Variants in NOS1AP observed in about 807,000 individuals in gnomAD.
NOS1AP encodes the protein nitric oxide synthase 1 adaptor protein.
In NOS1AP, 21 loss-of-function variants were observed where a neutral mutation model predicts 56.2. That is an observed-to-expected ratio of 0.37 (90% confidence interval 0.26 to 0.54). The LOEUF (loss-of-function observed/expected upper bound fraction) is 0.54. Among genes scored for constraint, NOS1AP ranks in the 20% least tolerant of loss-of-function variants. The probability of loss-of-function intolerance (pLI) is 0.84; values close to 1 mark genes in which losing one functional copy is unlikely to be tolerated. For missense variants in NOS1AP, 522 were observed against 657.8 expected (o/e 0.79, Z 2.26); for synonymous variants, 270 against 274.6 (o/e 0.98, Z 0.17).
At chr1:162,135,707 C>T (rs1032973540) in intron 1 of NOS1AP, among the ~76,000 whole-genome samples, 10 of 152,090 alleles carry the variant, frequency 6.6e-5, no homozygotes, top group South Asian at 2.1e-4. Context: ...AACTCGGGGA[C>T]GGTGAATTTC....
chr1:162,292,506 T>C (rs1210203440), intron 3 of NOS1AP, among the ~76,000 whole-genome samples: 2 of 152,202 alleles, frequency 1.3e-5, no homozygotes, highest in Non-Finnish European at 2.9e-5. Context: ...ATTCTTATGA[T>C]TGTTCAAAAG....
intron 2 of NOS1AP, among the ~76,000 whole-genome samples, chr1:162,176,050 T>C (rs73026972): frequency 0.066 from 10,028 of 152,266 alleles, 788 homozygotes; most frequent in African/African-American, 0.19. Flanking sequence ...ATAACTTCTG[T>C]TAGCACCTTA....
In NOS1AP at chr1:162,355,323, G is replaced by A. The variant is rs1657667432; in HGVS notation, c.732G>A (p.Gly244=). 5 of 1,614,066 alleles carry A rather than the reference G, an allele frequency of 3.1e-6. No homozygotes were observed. The South Asian group carries it at 5.5e-5, about 18-fold the overall frequency. ...SRGVTDLDAV[G]KEGGSHTGSK... is the part of the protein sequence containing the mutation. ...GTGTGACTGATCTAGATGCTGTAGG[G>A]AAGGAAGGAGGCTCTCACACAGGCT... is the stretch of plus-strand genomic sequence containing the variant. The change falls in exon 7 of 10, where the codon GGG becomes GGA. Residue 244 remains glycine (G), a synonymous_variant. Transcript: ENST00000361897.
At chr1:162,136,247 A>T (rs930534304) in intron 1 of NOS1AP, among the ~76,000 whole-genome samples, 2 of 152,208 alleles carry the variant, frequency 1.3e-5, no homozygotes, top group Non-Finnish European at 2.9e-5. Context: ...CTGGGGCAGG[A>T]AAACAGCTAC....
chr1:162,316,790 C>T (rs1656244750), intron 4 of NOS1AP: 1 of 152,768 alleles, frequency 6.5e-6, no homozygotes, highest in African/African-American at 2.4e-5. Context: ...GGGGAGATTA[C>T]AAAGTACATT....
rs150539620 is a variant in NOS1AP, at chr1:162,098,614, C to T, written c.105+28332C>T. On this transcript the variant is annotated intron_variant, in intron 1 of 9. Transcript: ENST00000361897. ...TTTGCTGTACAGATCATCCCATCACCTAGGTATTAAGCCTAGCATCCACGA... is the reference window on the plus strand; with the variant it reads ...TTTGCTGTACAGATCATCCCATCACTTAGGTATTAAGCCTAGCATCCACGA... 2.2e-4 allele frequency among the ~76,000 whole-genome samples: 33 copies of T among 152,052 alleles called. 1 individual carries two copies. The highest frequency in any genetic ancestry group is 6.5e-4 in the African/African-American group (27 of 41,454).
intron 2 of NOS1AP, among the ~76,000 whole-genome samples, chr1:162,244,345 C>T (rs1242504425): frequency 1.3e-5 from 2 of 152,158 alleles, no homozygotes; most frequent in Non-Finnish European, 2.9e-5. Context: ...TTAAACCAAC[C>T]TTTGTTACCA....
chr1:162,357,272 G>C (rs1033047083), intron 8 of NOS1AP, 136 bp downstream of exon 8: 29 of 1,471,142 alleles, frequency 2.0e-5, no homozygotes, highest in Non-Finnish European at 2.7e-5. Flanking sequence ...ATCATTGCTT[G>C]TTGGGGAGTG....
intron 1 of NOS1AP, among the ~76,000 whole-genome samples, chr1:162,125,979 C>T (rs1402990639): frequency 1.3e-5 from 2 of 151,942 alleles, no homozygotes; most frequent in Non-Finnish European, 1.5e-5. Context: ...TCCTTGTAGA[C>T]ATCTTTCACC....
intron 1 of NOS1AP, among the ~76,000 whole-genome samples, chr1:162,094,172 T>G (rs914383208): frequency 6.6e-6 from 1 of 152,164 alleles, no homozygotes; most frequent in South Asian, 2.1e-4. Flanking sequence ...GTAGTTACCC[T>G]CTTGGGAGGA....
At chr1:162,359,712 C>T (rs1381943382) in intron 8 of NOS1AP, among the ~76,000 whole-genome samples, 1 of 142,020 alleles carries the variant, frequency 7.0e-6, no homozygotes, top group Non-Finnish European at 1.5e-5. Context: ...AGCTTGGTTT[C>T]TCTACGCGGG....
intron 6 of NOS1AP, among the ~76,000 whole-genome samples, chr1:162,346,914 T>A (rs534407097): frequency 1.1e-4 from 16 of 152,336 alleles, no homozygotes; most frequent in Admixed American, 3.3e-4. Context: ...CCTTGGCCAG[T>A]CTCAGTTTTA....
At chr1:162,218,254 G>A (rs373444375) in intron 2 of NOS1AP, among the ~76,000 whole-genome samples, 3 of 152,208 alleles carry the variant, frequency 2.0e-5, no homozygotes, top group Admixed American at 1.3e-4. Flanking sequence ...CTGGGAGCCT[G>A]ATGACTTGAG....
chr1:162,075,048 T>A (rs1409063104), intron 1 of NOS1AP, among the ~76,000 whole-genome samples: 1 of 152,196 alleles, frequency 6.6e-6, no homozygotes, highest in Non-Finnish European at 1.5e-5. Context: ...TGGGGGAATG[T>A]CAAGTTCACA....
chr1:162,173,908 A>T (rs1475566746), intron 2 of NOS1AP, among the ~76,000 whole-genome samples: 2 of 152,210 alleles, frequency 1.3e-5, no homozygotes, highest in African/African-American at 4.8e-5. Context: ...GTCAGGAAAC[A>T]ACAGGTGCTA....
intron 2 of NOS1AP, among the ~76,000 whole-genome samples, chr1:162,252,397 G>A (rs934841390): frequency 4.6e-5 from 7 of 152,154 alleles, no homozygotes; most frequent in African/African-American, 1.7e-4. Flanking sequence ...GAAGGAAAGG[G>A]GAGGTCTGGA....
At chr1:162,321,622 G>T (rs1037875863) in intron 4 of NOS1AP, among the ~76,000 whole-genome samples, 1 of 151,492 alleles carries the variant, frequency 6.6e-6, no homozygotes, top group African/African-American at 2.4e-5. Flanking sequence ...TAATGTAAAT[G>T]ACGAGTTCAT....
chr1:162,313,095 A>G (rs139267833), intron 4 of NOS1AP, among the ~76,000 whole-genome samples: 2 of 151,780 alleles, frequency 1.3e-5, no homozygotes, highest in South Asian at 4.2e-4. Context: ...CTCTCTCACC[A>G]CTCCTATTCA....
intron 2 of NOS1AP, among the ~76,000 whole-genome samples, chr1:162,167,733 C>T (rs1041580800): frequency 6.6e-6 from 1 of 152,216 alleles, no homozygotes; most frequent in African/African-American, 2.4e-5. Flanking sequence ...GACAATCATC[C>T]CATCCTCTGC....
Sources: allele counts gnomAD v4.1 joint callset (sites outside exome capture counted in the v4.1 genomes callset), GRCh38; gene constraint gnomAD v4.1.1; transcripts MANE v1.5; gene names NCBI Gene and HGNC (gene_info 2026-07-23, HGNC 2026-07-21).